Variants in TFAP2D observed in about 807,000 individuals in gnomAD.
The protein encoded by TFAP2D is transcription factor AP-2 delta.
Under a neutral mutation model 43.6 loss-of-function variants are expected in TFAP2D, and 9 were observed. The ratio of observed to expected loss-of-function variants is 0.21; its 90% confidence interval spans 0.12 to 0.36. The LOEUF (loss-of-function observed/expected upper bound fraction) is 0.36, where lower values mean the gene tolerates loss of function less well. Among genes scored for constraint, TFAP2D ranks in the 10% least tolerant of loss-of-function variants. The pLI, the probability that TFAP2D is intolerant of heterozygous loss-of-function variation, is 1.00. For missense variants in TFAP2D, 513 were observed against 561.4 expected (o/e 0.91, Z 0.87); for synonymous variants, 256 against 224.9 (o/e 1.14, Z -1.24).
chr6:50,755,439 A>AAAC (rs1554156706), intron 7 of TFAP2D, among the ~76,000 whole-genome samples: 5 of 151,642 alleles, frequency 3.3e-5, no homozygotes, highest in Non-Finnish European at 5.9e-5. Flanking sequence ...TAAAAAAAAA[A>AAAC]AAAAAACTCA....
intron 5 of TFAP2D, among the ~76,000 whole-genome samples, chr6:50,730,655 T>C (rs1190902487): frequency 6.6e-6 from 1 of 152,050 alleles, no homozygotes; most frequent in Non-Finnish European, 1.5e-5. Flanking sequence ...GATTCAAGAA[T>C]CATATGGGTG....
At chr6:50,722,821 G>A (rs1055859988) in intron 3 of TFAP2D, among the ~76,000 whole-genome samples, 2 of 152,068 alleles carry the variant, frequency 1.3e-5, no homozygotes, top group Admixed American at 1.3e-4. Flanking sequence ...AAAGGGGGGG[G>A]CGGGGGATGG....
intron 3 of TFAP2D, among the ~76,000 whole-genome samples, chr6:50,727,609 A>C (rs1340769737): frequency 6.6e-6 from 1 of 152,202 alleles, no homozygotes; most frequent in Non-Finnish European, 1.5e-5. Context: ...AAAATATTTT[A>C]GACAACACTC....
chr6:50,771,432 C>A (rs1018282809), intron 7 of TFAP2D, among the ~76,000 whole-genome samples: 1 of 152,124 alleles, frequency 6.6e-6, no homozygotes, highest in African/African-American at 2.4e-5. Context: ...AGCTGGATGG[C>A]CATATGCCCA....
intron 5 of TFAP2D, among the ~76,000 whole-genome samples, chr6:50,731,607 C>T (rs1482505532): frequency 6.6e-6 from 1 of 152,014 alleles, no homozygotes; most frequent in African/African-American, 2.4e-5. Context: ...TCATGACCTA[C>T]AGTTTTAAAA....
chr6:50,767,717 G>T (rs1416451165), intron 7 of TFAP2D, among the ~76,000 whole-genome samples: 1 of 152,108 alleles, frequency 6.6e-6, no homozygotes, highest in South Asian at 2.1e-4. Flanking sequence ...CAAACACACA[G>T]AAATAGGAAT....
intron 3 of TFAP2D, among the ~76,000 whole-genome samples, chr6:50,721,281 C>T (rs1451061856): frequency 6.6e-6 from 1 of 152,152 alleles, no homozygotes; most frequent in Non-Finnish European, 1.5e-5. Context: ...TTGGGGTTTA[C>T]GTCTGTCTTG....
intron 6 of TFAP2D, among the ~76,000 whole-genome samples, chr6:50,749,626 GA>G (rs1167367172): frequency 1.3e-5 from 2 of 151,724 alleles, no homozygotes; most frequent in Non-Finnish European, 3.0e-5. Context: ...AAGCACAAAA[GA>G]TTATGATATA....
intron 5 of TFAP2D, among the ~76,000 whole-genome samples, chr6:50,730,512 GA>G (rs113169463): frequency 0.041 from 6,198 of 150,562 alleles, 399 homozygotes; most frequent in African/African-American, 0.14. Flanking sequence ...GAGCAAAGTA[GA>G]AAAAAAAATG....
At chr6:50,761,520 G>A (rs1438842011) in intron 7 of TFAP2D, among the ~76,000 whole-genome samples, 1 of 151,938 alleles carries the variant, frequency 6.6e-6, no homozygotes, top group Non-Finnish European at 1.5e-5. Flanking sequence ...AACACATATT[G>A]AATCAGTGTT....
chr6:50,749,729 C>A (rs889468873), intron 6 of TFAP2D, among the ~76,000 whole-genome samples: 1 of 151,752 alleles, frequency 6.6e-6, no homozygotes, highest in African/African-American at 2.4e-5. Flanking sequence ...TTTCATAAAG[C>A]AACTGAGTCT....
chr6:50,744,888 C>T (rs573292880), intron 5 of TFAP2D, among the ~76,000 whole-genome samples: 4 of 152,218 alleles, frequency 2.6e-5, no homozygotes, highest in Non-Finnish European at 5.9e-5. Flanking sequence ...TTCCACCTAT[C>T]CCTGCCTGCT....
Position 50,715,574 on chromosome 6 carries a change from C to T in TFAP2D, c.498C>T (p.Pro166=). ...MHPDQRLLPG[P]SLGLAAAGAD... is the part of the protein sequence containing the mutation. ...CAGATCAAAGACTCCTGCCAGGGCC[C>T]AGCCTGGGGCTGGCCGCCGCGGGAG... The change falls in exon 2 of 8, where the codon CCC becomes CCT. Residue 166 remains proline, a synonymous_variant. Coordinates refer to ENST00000008391, the MANE Select transcript of TFAP2D (RefSeq NM_172238.4). 6.2e-7 allele frequency: 1 copy of T among 1,601,310 alleles called. No homozygotes were observed. The highest frequency in any genetic ancestry group is 1.1e-5 in the South Asian group (1 of 90,962).
chr6:50,766,815 C>T (rs1391673659), intron 7 of TFAP2D, among the ~76,000 whole-genome samples: 3 of 151,284 alleles, frequency 2.0e-5, no homozygotes, highest in Non-Finnish European at 4.4e-5. Flanking sequence ...ACTACAGGTG[C>T]CCGCCACCGC....
At chr6:50,752,067 T>G (rs912807533) in intron 7 of TFAP2D, among the ~76,000 whole-genome samples, 1 of 151,964 alleles carries the variant, frequency 6.6e-6, no homozygotes, top group Non-Finnish European at 1.5e-5. Context: ...ACTGACTGGT[T>G]TTCCAGAAGT....
At chr6:50,742,220 G>A (rs1769055728) in intron 5 of TFAP2D, among the ~76,000 whole-genome samples, 1 of 151,944 alleles carries the variant, frequency 6.6e-6, no homozygotes. Context: ...ATATCAGAGT[G>A]TCTTCACTTG....
intron 7 of TFAP2D, among the ~76,000 whole-genome samples, chr6:50,757,755 CTA>C (rs34488132): frequency 0.025 from 1,236 of 49,528 alleles, 115 homozygotes; most frequent in African/African-American, 0.071. Context: ...TATAATTATT[CTA>C]TATATATAGA....
intron 7 of TFAP2D, among the ~76,000 whole-genome samples, chr6:50,760,219 G>T (rs1769343457): frequency 6.6e-6 from 1 of 151,968 alleles, no homozygotes; most frequent in Admixed American, 6.6e-5. Context: ...AAGGTCTTGT[G>T]GGAAATGCTG....
chr6:50,742,612 A>AGAT (rs1181518215), intron 5 of TFAP2D, among the ~76,000 whole-genome samples: 22 of 151,670 alleles, frequency 1.5e-4, no homozygotes, highest in Admixed American at 1.4e-3. Context: ...ATAGATAGAT[A>AGAT]GATAGATAGA....
Sources: allele counts gnomAD v4.1 joint callset (sites outside exome capture counted in the v4.1 genomes callset), GRCh38; gene constraint gnomAD v4.1.1; transcripts MANE v1.5; gene names NCBI Gene and HGNC (gene_info 2026-07-23, HGNC 2026-07-21).